Variants in VAT1L observed in about 807,000 individuals in gnomAD.
VAT1L encodes the protein putative NADPH-dependent quinone oxidoreductase VAT1L.
VAT1L carries 34 observed loss-of-function variants against 44.1 expected under a neutral mutation model. The ratio of observed to expected loss-of-function variants is 0.77; its 90% CI spans 0.59 to 1.03. VAT1L has a LOEUF of 1.03. Among genes scored for constraint, VAT1L ranks in the 50% least tolerant of loss-of-function variants. VAT1L has a pLI of 0.00. For synonymous variants in VAT1L, 253 were observed against 202.2 expected, an observed-to-expected ratio of 1.25 and a Z score of -2.13; for missense variants, 615 against 538.8, an observed-to-expected ratio of 1.14 and a Z score of -1.40.
At chr16:77,931,246 C>T (rs562006780) in intron 7 of VAT1L, among the ~76,000 whole-genome samples, 4 of 152,220 alleles carry the variant, frequency 2.6e-5, no homozygotes, top group South Asian at 2.1e-4. Context: ...TATAAAATGA[C>T]GTCAGCACCC....
chr16:77,814,445 T>C (rs1462244159), intron 1 of VAT1L, among the ~76,000 whole-genome samples: 2 of 152,148 alleles, frequency 1.3e-5, no homozygotes, highest in African/African-American at 2.4e-5. Flanking sequence ...CCTCTTCTCA[T>C]TGGAATTTAA....
intron 3 of VAT1L, among the ~76,000 whole-genome samples, chr16:77,860,567 T>C (rs1327125373): frequency 6.6e-6 from 1 of 152,218 alleles, no homozygotes. Flanking sequence ...AGACTGGAAC[T>C]AATTGTAATT....
chr16:77,836,699 T>C (rs1351957750), intron 3 of VAT1L, among the ~76,000 whole-genome samples: 1 of 152,142 alleles, frequency 6.6e-6, no homozygotes, highest in Non-Finnish European at 1.5e-5. Context: ...AATATATAGA[T>C]CTAAAAACAC....
intron 7 of VAT1L, among the ~76,000 whole-genome samples, chr16:77,894,530 A>G (rs1214757021): frequency 1.3e-5 from 2 of 152,292 alleles, no homozygotes; most frequent in South Asian, 2.1e-4. Context: ...TAGAAAGCCA[A>G]TTCGTGGTTG....
At chr16:77,946,013 G>T (rs2017957740) in intron 7 of VAT1L, among the ~76,000 whole-genome samples, 1 of 151,948 alleles carries the variant, frequency 6.6e-6, no homozygotes, top group Non-Finnish European at 1.5e-5. Flanking sequence ...TGTTGGTCAG[G>T]CTGGTCTCGA....
chr16:77,792,845 C>G (rs544331311), intron 1 of VAT1L, among the ~76,000 whole-genome samples: 2 of 152,268 alleles, frequency 1.3e-5, no homozygotes, highest in East Asian at 3.9e-4. Context: ...TAGCATCCCC[C>G]TTCATAGTAT....
At chr16:77,927,745 T>G (rs577334306) in intron 7 of VAT1L, among the ~76,000 whole-genome samples, 12 of 152,202 alleles carry the variant, frequency 7.9e-5, no homozygotes, top group African/African-American at 2.9e-4. Flanking sequence ...GGCACACGCC[T>G]GTAGTCCCAG....
intron 7 of VAT1L, among the ~76,000 whole-genome samples, chr16:77,967,408 T>C (rs1404824852): frequency 1.3e-5 from 2 of 152,192 alleles, no homozygotes; most frequent in Middle Eastern, 3.2e-3. Context: ...AAGGGCCTCA[T>C]ATGGTGGCCT....
intron 3 of VAT1L, among the ~76,000 whole-genome samples, chr16:77,858,636 G>A (rs2016884936): frequency 6.6e-6 from 1 of 152,168 alleles, no homozygotes; most frequent in African/African-American, 2.4e-5. Flanking sequence ...CAGGAGTGAA[G>A]CAGATCAAGC....
At chr16:77,919,462 G>A (rs2017587779) in intron 7 of VAT1L, among the ~76,000 whole-genome samples, 1 of 152,194 alleles carries the variant, frequency 6.6e-6, no homozygotes, top group African/African-American at 2.4e-5. Flanking sequence ...AGAGATACAT[G>A]GAACTGAAAA....
intron 3 of VAT1L, among the ~76,000 whole-genome samples, chr16:77,844,301 C>T (rs1308729171): frequency 2.0e-5 from 3 of 152,142 alleles, no homozygotes; most frequent in Admixed American, 2.0e-4. Context: ...AGCTTGTGTA[C>T]ATAGCATTTA....
chr16:77,905,109 C>A (rs2017425103), intron 7 of VAT1L, among the ~76,000 whole-genome samples: 1 of 152,170 alleles, frequency 6.6e-6, no homozygotes, highest in Non-Finnish European at 1.5e-5. Flanking sequence ...TTATGAAAGA[C>A]CCTTATAAAA....
chr16:77,942,840 G>T (rs2017905872), intron 7 of VAT1L, among the ~76,000 whole-genome samples: 1 of 152,016 alleles, frequency 6.6e-6, no homozygotes, highest in Admixed American at 6.6e-5. Flanking sequence ...CGCCTCCCGG[G>T]TTCAAGCGAT....
intron 3 of VAT1L, among the ~76,000 whole-genome samples, chr16:77,849,556 G>T (rs766853810): frequency 3.3e-5 from 5 of 152,236 alleles, no homozygotes; most frequent in Non-Finnish European, 7.4e-5. Flanking sequence ...TACTACACTC[G>T]CAAAGAAAGC....
At chr16:77,814,406 G>T (rs190519994) in intron 1 of VAT1L, among the ~76,000 whole-genome samples, 37 of 152,324 alleles carry the variant, frequency 2.4e-4, no homozygotes, top group African/African-American at 8.7e-4. Flanking sequence ...GAAACAGGGT[G>T]CTACAGGCTT....
intron 7 of VAT1L, among the ~76,000 whole-genome samples, chr16:77,962,784 G>GAA (rs1597123354): frequency 6.6e-6 from 1 of 151,798 alleles, no homozygotes; most frequent in Non-Finnish European, 1.5e-5. Flanking sequence ...AGGAAAGAAA[G>GAA]AGAAAAGAAA....
chr16:77,861,356 CACA>C (rs2016912481), intron 3 of VAT1L, among the ~76,000 whole-genome samples: 1 of 152,198 alleles, frequency 6.6e-6, no homozygotes. Context: ...TATACATGAC[CACA>C]ACATTTTGTC....
intron 8 of VAT1L, among the ~76,000 whole-genome samples, chr16:77,976,809 A>G (rs772136470): frequency 7.9e-5 from 12 of 152,198 alleles, no homozygotes; most frequent in Non-Finnish European, 1.0e-4. Context: ...CAGAGGGGTA[A>G]TCATAACTAT....
intron 3 of VAT1L, among the ~76,000 whole-genome samples, chr16:77,839,493 G>A (rs570534510): frequency 8.1e-6 from 1 of 123,548 alleles, no homozygotes; most frequent in East Asian, 2.8e-4. Context: ...CCGAAATCGC[G>A]CCACTGCACT....
Sources: gnomAD v4.1 joint callset for allele counts (sites outside exome capture counted in the v4.1 genomes callset) on GRCh38, gnomAD v4.1.1 for gene constraint, MANE v1.5 for transcripts, NCBI Gene and HGNC (gene_info 2026-07-23, HGNC 2026-07-21) for gene names.